The following INTS3 variants were observed in gnomAD, a reference collection of about 807,000 sequenced individuals.
INTS3 encodes SOSS complex subunit A.
INTS3 carries 34 observed loss-of-function variants against 146.3 expected under a neutral mutation model. That is an observed-to-expected ratio of 0.23 (90% CI 0.18 to 0.31). The LOEUF is 0.31. Among genes scored for constraint, INTS3 ranks in the 10% least tolerant of loss-of-function variants. INTS3 has a pLI of 1.00. For synonymous variants in INTS3, 475 were observed against 494.9 expected (o/e 0.96, Z 0.53); for missense variants, 757 against 1,304.2 (o/e 0.58, Z 6.46).
chr1:153,736,648 T>G (rs1318618010), intron 1 of INTS3, among the ~76,000 whole-genome samples: 1 of 151,610 alleles, frequency 6.6e-6, no homozygotes, highest in Non-Finnish European at 1.5e-5. Flanking sequence ...GGTTTCACCA[T>G]GTTGGTCAGG....
intron 5 of INTS3, chr1:153,748,031 A>G (rs904147466): frequency 2.5e-5 from 4 of 157,118 alleles, no homozygotes; most frequent in African/African-American, 9.6e-5. Flanking sequence ...ATGTGTATGA[A>G]CCTTAATCTA....
chr1:153,764,665 C>T, intron 18 of INTS3, 25 bp from the exon 19 acceptor site: 1 of 1,585,012 alleles, frequency 6.3e-7, no homozygotes. Flanking sequence ...CACATGGATT[C>T]TCAAATATAA....
In INTS3 at chr1:153,757,559, C is replaced by T. The variant is rs1244741920; in HGVS notation, c.958-13C>T. 20 of 1,610,634 alleles carry T rather than the reference C, an allele frequency of 1.2e-5. No homozygotes were observed. The East Asian group carries it at 2.9e-4, about 23-fold the overall frequency. ...GTCTTCTAAGGTCTTTTTCTTGCTT[C>T]CCCTTTCCCCAGGTGCGATTTGGTC... is the stretch of plus-strand genomic sequence containing the variant. On this transcript the variant is annotated splice_polypyrimidine_tract_variant and intron_variant, in intron 9 of 29. Transcript: ENST00000318967. The surrounding 1 kb of genome is among the most constrained non-coding windows in gnomAD (Gnocchi z 4.0).
chr1:153,765,900 A>G (rs1570879306), intron 20 of INTS3, among the ~76,000 whole-genome samples: 1 of 152,158 alleles, frequency 6.6e-6, no homozygotes. Flanking sequence ...TCACAAAGTT[A>G]TACAACTATC....
At chr1:153,764,060 G>T in intron 17 of INTS3, 58 bp from the exon 18 acceptor site, 14 of 1,427,488 alleles carry the variant, frequency 9.8e-6, no homozygotes, top group Middle Eastern at 1.8e-4. Flanking sequence ...CTGGGATCGT[G>T]GGGGCAGGAG....
chr1:153,736,508 G>A (rs137958065), intron 1 of INTS3, among the ~76,000 whole-genome samples: 5,633 of 147,066 alleles, frequency 0.038, 135 homozygotes, highest in Middle Eastern at 0.11. Flanking sequence ...GTGCAGTGGC[G>A]CAATCTTGGC....
At position 153,762,774 on chromosome 1, in the gene INTS3, G is replaced by A. The variant is rs770525385; in HGVS notation, c.1563G>A (p.Ser521=). The change falls in exon 15 of 30, where the codon TCG becomes TCA. Residue 521 remains serine, a synonymous_variant. Coordinates refer to ENST00000318967, the MANE Select transcript of INTS3 (RefSeq NM_023015.5). Reference sequence around the variant, plus strand: ...CCATGGAGATGGACAACCATATGTCGGATAAGGATGAGAGTTGCTATGACA... The same window carrying A: ...CCATGGAGATGGACAACCATATGTCAGATAAGGATGAGAGTTGCTATGACA... The part of the protein sequence containing the change: ...PVSMEMDNHM[S]DKDESCYDNA... The A allele has an allele frequency of 2.4e-5, 38 of 1,614,004 alleles. No individual in the cohort carries two copies. The Admixed American group carries it at 3.0e-4, about 13-fold the overall frequency.
At chr1:153,730,113 G>C (rs1157148876) in intron 1 of INTS3, among the ~76,000 whole-genome samples, 1 of 152,130 alleles carries the variant, frequency 6.6e-6, no homozygotes, top group African/African-American at 2.4e-5. Flanking sequence ...GAACATACAT[G>C]CCAAAATGAA....
rs1672186837 is a variant in INTS3, at chr1:153,757,001, A to C, written c.958-571A>C. 6.6e-6 allele frequency among the ~76,000 whole-genome samples: 1 copy of C among 152,116 alleles called. No individual in the cohort carries two copies. The highest frequency in any genetic ancestry group is 6.5e-5 in the Admixed American group (1 of 15,280). On this transcript the variant is annotated intron_variant, in intron 9 of 29. Coordinates refer to ENST00000318967, the MANE Select transcript of INTS3 (RefSeq NM_023015.5). The surrounding 1 kb of genome is among the most constrained non-coding windows in gnomAD (Gnocchi z 4.0). The stretch of plus-strand genomic sequence containing the variant: ...TTCTTCTGACAGTTGGGGGAATATA[A>C]GAAGAGGGAAACCAGATCCTTTTCC...
intron 1 of INTS3, among the ~76,000 whole-genome samples, chr1:153,739,716 A>C (rs992766592): frequency 7.1e-6 from 1 of 140,342 alleles, no homozygotes; most frequent in Non-Finnish European, 1.6e-5. Context: ...TGATCTGCCC[A>C]CCTCAGCCTC....
chr1:153,760,441 G>T (rs778067328), intron 12 of INTS3, 51 bp downstream of exon 12: 4 of 1,456,844 alleles, frequency 2.7e-6, no homozygotes, highest in Non-Finnish European at 3.9e-6. Flanking sequence ...GCAGAATTCA[G>T]TGTATCTCCC....
chr1:153,764,691 T>G lies in INTS3; in HGVS notation c.1927T>G (p.Ser643Ala). Reference sequence around the variant, plus strand: ...TCAAATATAACCCTCTTCTTGTAGGTCCCTGGAGGAGTCTGTAGGAAAGCC... The same window carrying G: ...TCAAATATAACCCTCTTCTTGTAGGGCCCTGGAGGAGTCTGTAGGAAAGCC... ...EVLPEEITEE[S>A]LEESVGKPLY... The change falls in exon 19 of 30, where the codon TCC becomes GCC. Residue 643 changes from serine to alanine, a missense_variant and splice_region_variant. Physicochemically the swap from Ser to Ala is moderately conservative, Grantham distance 99. Transcript: ENST00000318967. 1 of 1,606,944 alleles carries G rather than the reference T, an allele frequency of 6.2e-7. No homozygotes were observed. The highest frequency in any genetic ancestry group is 8.5e-7 in the Non-Finnish European group (1 of 1,173,542).
intron 9 of INTS3, among the ~76,000 whole-genome samples, chr1:153,756,539 A>G (rs1281604144): frequency 6.6e-6 from 1 of 151,616 alleles, no homozygotes; most frequent in Non-Finnish European, 1.5e-5. Context: ...ATTGGGGCCA[A>G]GTGCGGTGGC....
intron 1 of INTS3, among the ~76,000 whole-genome samples, chr1:153,738,913 GAC>G (rs1382256108): frequency 7.1e-6 from 1 of 141,538 alleles, no homozygotes; most frequent in Non-Finnish European, 1.5e-5. Context: ...TTTTTTTTGA[GAC>G]AGTGTCTCGC....
chr1:153,739,983 G>A (rs1229389186), intron 1 of INTS3, among the ~76,000 whole-genome samples: 1 of 151,026 alleles, frequency 6.6e-6, no homozygotes, highest in African/African-American at 2.4e-5. Flanking sequence ...TGTATTTTTA[G>A]TAGAGACGGA....
chr1:153,733,730 G>T (rs1262913368), intron 1 of INTS3, among the ~76,000 whole-genome samples: 1 of 150,704 alleles, frequency 6.6e-6, no homozygotes, highest in African/African-American at 2.4e-5. Context: ...TCAGCCTCCC[G>T]AGTAGCTGGG....
chr1:153,741,939 G>C (rs1431443341), intron 3 of INTS3, among the ~76,000 whole-genome samples: 5 of 152,212 alleles, frequency 3.3e-5, no homozygotes, highest in Non-Finnish European at 7.3e-5. Context: ...CCTTTATGTG[G>C]AACGGTTCAA....
At chr1:153,766,589 G>A (rs980657912) in intron 20 of INTS3, 15 of 151,724 alleles carry the variant, frequency 9.9e-5, no homozygotes, top group East Asian at 5.8e-4. Context: ...GTGAGCCACC[G>A]GGCCCAGCCA....
At chr1:153,761,479 C>T in intron 13 of INTS3, 91 bp from the exon 14 acceptor site, 2 of 903,412 alleles carry the variant, frequency 2.2e-6, no homozygotes, top group South Asian at 1.5e-5. Flanking sequence ...CACTGCACTC[C>T]AGCCTAGGTG....
Sources: gnomAD v4.1 joint callset for allele counts (sites outside exome capture counted in the v4.1 genomes callset) on GRCh38, gnomAD v4.1.1 for gene constraint, Gnocchi (gnomAD v3.1) non-coding constraint, MANE v1.5 for transcripts, NCBI Gene and HGNC (gene_info 2026-07-23, HGNC 2026-07-21) for gene names.